GON4L: variants seen among roughly 807,000 people sequenced by gnomAD.
The protein encoded by GON4L is gon-4 like.
Under a neutral mutation model 211.8 loss-of-function variants are expected in GON4L, and 87 were observed. That is an observed-to-expected ratio of 0.41 (90% CI 0.35 to 0.49). The LOEUF (loss-of-function observed/expected upper bound fraction) is 0.49. Ranked by LOEUF, GON4L falls within the 20% of genes least tolerant of loss-of-function variation. The pLI, the probability that GON4L is intolerant of heterozygous loss-of-function variation, is 0.15. For missense variants in GON4L, 2,155 were observed against 2,659.5 expected (o/e 0.81, Z 4.17); for synonymous variants, 875 against 962.6 (o/e 0.91, Z 1.68).
chr1:155,802,679 A>G (rs568178399), intron 11 of GON4L, among the ~76,000 whole-genome samples: 3 of 152,286 alleles, frequency 2.0e-5, no homozygotes, highest in Admixed American at 2.0e-4. Context: ...ATACTGGCTG[A>G]GCGCGATGGC....
chr1:155,750,612 A>G lies in GON4L; in HGVS notation c.6698T>C (p.Leu2233Pro). 1 of 1,589,514 alleles carries G rather than the reference A, an allele frequency of 6.3e-7. No individual in the cohort carries two copies. The highest frequency in any genetic ancestry group is 1.1e-5 in the South Asian group (1 of 89,634). ...NADQLSDHGD[L>P]LSEEELDE ...TTCATCCAGCTCCTCTTCAGACAGA[A>G]GGTCCCCATGGTCAGACAGCTGGTC... is the stretch of plus-strand genomic sequence containing the variant. Residue 2233 changes from leucine to proline, a missense_variant, in exon 32 of 32, where the codon CTT becomes CCT. Coordinates refer to ENST00000368331, the MANE Select transcript of GON4L (RefSeq NM_001282860.2).
intron 10 of GON4L, among the ~76,000 whole-genome samples, chr1:155,811,446 A>AGT (rs1447455684): frequency 1.4e-5 from 2 of 145,574 alleles, no homozygotes; most frequent in East Asian, 4.1e-4. Flanking sequence ...TGCTAATATT[A>AGT]GTGTGAGAAA....
chr1:155,847,961 T>C (rs1323066196), intron 2 of GON4L, among the ~76,000 whole-genome samples: 1 of 152,176 alleles, frequency 6.6e-6, no homozygotes, highest in Non-Finnish European at 1.5e-5. Context: ...ACAAATGCCA[T>C]GGCAACCCCT....
At chr1:155,760,210 T>C (rs2101682364) in intron 24 of GON4L, among the ~76,000 whole-genome samples, 1 of 152,082 alleles carries the variant, frequency 6.6e-6, no homozygotes, top group Non-Finnish European at 1.5e-5. Context: ...TCACCTAAGG[T>C]GTCCTTTGGC....
chr1:155,850,185 T>A (rs1404961233), intron 2 of GON4L, among the ~76,000 whole-genome samples: 1 of 152,162 alleles, frequency 6.6e-6, no homozygotes, highest in Non-Finnish European at 1.5e-5. Flanking sequence ...ATCAACTATG[T>A]GCAGGACAAT....
At chr1:155,785,306 G>A (rs822021) in intron 13 of GON4L, 28 bp downstream of exon 13, 1,426,819 of 1,445,370 alleles carry the variant, frequency 0.99, 706,143 homozygotes, top group East Asian at 1. Flanking sequence ...TTAAAATCCC[G>A]TGTTCTCACT....
intron 3 of GON4L, 78 bp downstream of exon 3, chr1:155,826,759 T>C (rs1669252278): frequency 1.1e-6 from 1 of 942,448 alleles, no homozygotes; most frequent in Non-Finnish European, 1.7e-6. Flanking sequence ...TCAGGATATC[T>C]TAGGACATGT....
intron 14 of GON4L, among the ~76,000 whole-genome samples, chr1:155,780,022 C>T (rs1193380991): frequency 6.6e-6 from 1 of 151,418 alleles, no homozygotes; most frequent in Non-Finnish European, 1.5e-5. Context: ...TAGTCTCGAA[C>T]CACTGACCTA....
In GON4L at chr1:155,765,952, C is replaced by T. The variant is rs1287654386; in HGVS notation, c.3521G>A (p.Ser1174Asn). The change falls in exon 21 of 32, where the codon AGT becomes AAT. Residue 1174 changes from serine (S) to asparagine (N), a missense_variant. Physicochemically the swap from Ser to Asn is conservative, Grantham distance 46. This residue lies in a region of GON4L where 615 missense variants were observed against 625.7 expected (regional missense o/e 0.98). Coordinates refer to ENST00000368331, the MANE Select transcript of GON4L (RefSeq NM_001282860.2). Reference protein sequence around the residue: ...IQPVNAAVAQSPQTIPITTLL... With the variant: ...IQPVNAAVAQNPQTIPITTLL... ...GGTAGTGATGGGAATAGTCTGGGGA[C>T]TCTGGGCCACAGCCGCATTGACAGG... The T allele has an allele frequency of 1.9e-6, 3 of 1,614,012 alleles. No individual in the cohort carries two copies. The Admixed American group carries it at 5.0e-5, about 27-fold the overall frequency.
intron 3 of GON4L, among the ~76,000 whole-genome samples, chr1:155,824,708 C>T (rs1352344547): frequency 4.1e-5 from 6 of 147,474 alleles, no homozygotes; most frequent in African/African-American, 1.5e-4. Flanking sequence ...CACACCATTG[C>T]ACTCCAGCCT....
chr1:155,766,489 T>C lies in GON4L; in HGVS notation c.2984A>G (p.Gln995Arg). ...GGGCTTCAGGACTGATGAACGCTTC[T>C]GTCTCCAAGCCTTCCTGGGGAAACG... ...ATRFPRKAWR[Q>R]KRSSVLKPLL... The change falls in exon 21 of 32, where the codon CAG (glutamine) becomes CGG (arginine). Residue 995 changes from glutamine (Q) to arginine (R), a missense_variant. By Grantham distance (43) the Gln-to-Arg change is conservative. Around this residue, in one of 6 missense-constraint regions of GON4L, gnomAD observed 615 missense variants for 625.7 expected, o/e 0.98. Coordinates refer to ENST00000368331, the MANE Select transcript of GON4L (RefSeq NM_001282860.2). The C allele has an allele frequency of 6.2e-7, 1 of 1,614,124 alleles. No individual in the cohort carries two copies. The highest frequency in any genetic ancestry group is 8.5e-7 in the Non-Finnish European group (1 of 1,180,000).
chr1:155,747,688 C>T (rs760428194), downstream of GON4L: 13 of 1,613,790 alleles, frequency 8.1e-6, no homozygotes, highest in Non-Finnish European at 1.0e-5. Flanking sequence ...CAGGTAGTGG[C>T]GTGGCAATGT....
chr1:155,858,576 A>G (rs2102545502), upstream of GON4L, among the ~76,000 whole-genome samples: 1 of 150,170 alleles, frequency 6.7e-6, no homozygotes, highest in East Asian at 2.0e-4. Context: ...CGAAACCCTA[A>G]GCACTTGAGG....
At chr1:155,779,861 G>A (rs1664234857) in intron 14 of GON4L, among the ~76,000 whole-genome samples, 1 of 151,880 alleles carries the variant, frequency 6.6e-6, no homozygotes. Context: ...GCAGTGGCAT[G>A]ATCTCGGCTC....
chr1:155,849,463 GAA>G (rs2102476808), intron 2 of GON4L, among the ~76,000 whole-genome samples: 2 of 148,548 alleles, frequency 1.3e-5, no homozygotes, highest in East Asian at 3.9e-4. Context: ...AGAATGGCGT[GAA>G]CCCAGGAGGT....
rs1170940262 is a variant in GON4L, at chr1:155,828,722, T to C, written c.506-1694A>G. On this transcript the variant is annotated intron_variant, in intron 2 of 31. Coordinates refer to ENST00000368331, the MANE Select transcript of GON4L (RefSeq NM_001282860.2). ...ACTTAGGATGCTGAGGTAGGAGAAC[T>C]GCTTGAACCCAGGAGGCGGAGGTTG... Among the ~76,000 whole-genome samples the C allele has an allele frequency of 3.0e-4, 45 of 148,754 alleles. No individual in the cohort carries two copies. In the Admixed American group the frequency reaches 3.1e-3, roughly 10 times the overall value.
At chr1:155,839,511 G>A (rs1409076337) in intron 2 of GON4L, among the ~76,000 whole-genome samples, 1 of 152,066 alleles carries the variant, frequency 6.6e-6, no homozygotes, top group African/African-American at 2.4e-5. Context: ...TTAGCTGGGT[G>A]TGGTGGCACA....
intron 1 of GON4L, among the ~76,000 whole-genome samples, chr1:155,854,463 T>C (rs965712841): frequency 2.6e-5 from 4 of 152,170 alleles, no homozygotes; most frequent in Non-Finnish European, 5.9e-5. Context: ...CAAACATTGT[T>C]ATTATTACCA....
upstream of GON4L, among the ~76,000 whole-genome samples, chr1:155,858,942 G>A (rs1672483103): frequency 6.6e-6 from 1 of 151,912 alleles, no homozygotes; most frequent in African/African-American, 2.4e-5. Context: ...TGATCTGCCC[G>A]CCTTGGCCTC....
Sources: gnomAD v4.1 joint callset for allele counts (sites outside exome capture counted in the v4.1 genomes callset) on GRCh38, gnomAD v4.1.1 for gene constraint, gnomAD v4.1.1 regional missense constraint, MANE v1.5 for transcripts, NCBI Gene and HGNC (gene_info 2026-07-23, HGNC 2026-07-21) for gene names.